The following GRB10 variants were observed in gnomAD, a reference collection of about 807,000 sequenced individuals.
GRB10 encodes growth factor receptor-bound protein 10.
Under a neutral mutation model 80.9 loss-of-function variants are expected in GRB10, and 20 were observed. The ratio of observed to expected loss-of-function variants is 0.25; its 90% CI spans 0.17 to 0.36. The LOEUF is 0.36. Among genes scored for constraint, GRB10 ranks in the 10% least tolerant of loss-of-function variants. GRB10 has a pLI of 1.00. For missense variants in GRB10, 548 were observed against 747.7 expected (o/e 0.73, Z 3.12); for synonymous variants, 291 against 291.5 (o/e 1.00, Z 0.02).
At chr7:50,593,128 T>A in intron 18 of GRB10, 30 bp from the exon 19 acceptor site, 1 of 1,613,850 alleles carries the variant, frequency 6.2e-7, no homozygotes, top group Non-Finnish European at 8.5e-7. Context: ...CTTGCCAGGT[T>A]AGAGGCTGCC....
intron 7 of GRB10, among the ~76,000 whole-genome samples, chr7:50,658,529 T>C (rs1006644718): frequency 1.3e-5 from 2 of 152,118 alleles, no homozygotes; most frequent in Non-Finnish European, 2.9e-5. Flanking sequence ...GAGCCTCACG[T>C]AGATGGCCAC....
chr7:50,775,949 T>C (rs2077588514), intron 2 of GRB10, among the ~76,000 whole-genome samples: 1 of 152,214 alleles, frequency 6.6e-6, no homozygotes, highest in Non-Finnish European at 1.5e-5. Flanking sequence ...GCTGAGGTCC[T>C]GCAGACGCCC....
At chr7:50,773,757 A>G (rs2077276015) in intron 2 of GRB10, among the ~76,000 whole-genome samples, 1 of 152,350 alleles carries the variant, frequency 6.6e-6, no homozygotes, top group East Asian at 1.9e-4. Context: ...TGTTTACAGA[A>G]GCATTATTCA....
At chr7:50,693,404 C>A (rs986919751) in intron 5 of GRB10, among the ~76,000 whole-genome samples, 1 of 152,162 alleles carries the variant, frequency 6.6e-6, no homozygotes. Flanking sequence ...GCACCAAATA[C>A]ATTGCTACAA....
chr7:50,697,504 C>T (rs1338743374), intron 5 of GRB10, among the ~76,000 whole-genome samples: 2 of 152,120 alleles, frequency 1.3e-5, no homozygotes, highest in African/African-American at 2.4e-5. Flanking sequence ...AGCAATAAAT[C>T]CTCTTTGCCA....
chr7:50,713,587 A>C (rs1587332898), intron 4 of GRB10, among the ~76,000 whole-genome samples: 4 of 123,540 alleles, frequency 3.2e-5, no homozygotes, highest in African/African-American at 9.6e-5. Context: ...CCTCACCTCC[A>C]CCTCCTCTAC....
intron 2 of GRB10, among the ~76,000 whole-genome samples, chr7:50,775,161 CAAAAAAAAAAAACA>C (rs1296918352): frequency 6.4e-5 from 2 of 31,026 alleles, no homozygotes; most frequent in African/African-American, 1.1e-4. Context: ...ATCCTGTCTC[CAAAAAAAAAAAACA>C]AAAAAAAACA....
intron 1 of GRB10, chr7:50,793,164 C>T (rs1001598178): frequency 3.4e-5 from 5 of 145,634 alleles, no homozygotes; most frequent in African/African-American, 7.4e-5. Flanking sequence ...CCGTCCCGGG[C>T]CCCGCGGGGA....
intron 5 of GRB10, among the ~76,000 whole-genome samples, chr7:50,675,772 A>G (rs1412511437): frequency 6.6e-6 from 1 of 150,776 alleles, no homozygotes; most frequent in East Asian, 2.0e-4. Flanking sequence ...GTTTCTCCAG[A>G]GAAACAGAGA....
intron 5 of GRB10, among the ~76,000 whole-genome samples, chr7:50,699,762 T>C (rs1379232731): frequency 2.6e-5 from 4 of 152,224 alleles, no homozygotes; most frequent in African/African-American, 9.6e-5. Flanking sequence ...AAACATGGTA[T>C]GAATTGGAGA....
At chr7:50,699,708 A>G (rs997987430) in intron 5 of GRB10, among the ~76,000 whole-genome samples, 1 of 152,172 alleles carries the variant, frequency 6.6e-6, no homozygotes. Context: ...AACATGTAAA[A>G]CGGTATTATA....
At chr7:50,661,646 G>C (rs1322725497) in intron 7 of GRB10, among the ~76,000 whole-genome samples, 1 of 152,244 alleles carries the variant, frequency 6.6e-6, no homozygotes, top group Non-Finnish European at 1.5e-5. Flanking sequence ...TACTGTAGGA[G>C]TCAGTTCTCT....
chr7:50,704,278 G>A (rs573348697), intron 4 of GRB10, among the ~76,000 whole-genome samples: 4 of 152,308 alleles, frequency 2.6e-5, no homozygotes, highest in African/African-American at 9.6e-5. Context: ...ATCAAGTGCT[G>A]GGCGTTCTAT....
chr7:50,762,315 G>A (rs1405203634), intron 2 of GRB10, among the ~76,000 whole-genome samples: 1 of 150,424 alleles, frequency 6.6e-6, no homozygotes, highest in Non-Finnish European at 1.5e-5. Flanking sequence ...GAATACATAC[G>A]AGATCCTTTG....
chr7:50,753,631 C>A (rs2074530705), intron 3 of GRB10, among the ~76,000 whole-genome samples: 2 of 152,208 alleles, frequency 1.3e-5, no homozygotes, highest in Non-Finnish European at 2.9e-5. Flanking sequence ...GCGTCTCCCT[C>A]CTGGAGGACA....
Position 50,645,950 on chromosome 7 carries a change from C to T in GRB10, c.505-18972G>A, listed in dbSNP as rs148457586. On this transcript the variant is annotated intron_variant, in intron 7 of 18. Coordinates refer to ENST00000401949, the MANE Select transcript of GRB10 (RefSeq NM_001350814.2). ...CCATCGTATTATAAGTGACATACAGCCCTTGGCATTATTTATAAAAATGAA... is the reference window on the plus strand; with the variant it reads ...CCATCGTATTATAAGTGACATACAGTCCTTGGCATTATTTATAAAAATGAA... Among the ~76,000 whole-genome samples, 1,342 of 152,252 alleles carry T rather than the reference C, an allele frequency of 8.8e-3. 24 individuals are homozygous for T. Among genetic ancestry groups the T allele is most frequent in the African/African-American group, 0.03 (1,259 of 41,534 alleles).
intron 7 of GRB10, among the ~76,000 whole-genome samples, chr7:50,634,798 A>G (rs1399576285): frequency 6.6e-6 from 1 of 152,256 alleles, no homozygotes; most frequent in Non-Finnish European, 1.5e-5. Context: ...AGAGACAATG[A>G]AGGGCATTAT....
chr7:50,611,199 A>G (rs546281082), intron 13 of GRB10, among the ~76,000 whole-genome samples: 1 of 152,238 alleles, frequency 6.6e-6, no homozygotes, highest in Admixed American at 6.5e-5. Flanking sequence ...CAAATATTCC[A>G]ATTTTTCCTG....
chr7:50,716,178 C>A (rs1393344805), intron 4 of GRB10, among the ~76,000 whole-genome samples: 1 of 152,216 alleles, frequency 6.6e-6, no homozygotes, highest in Non-Finnish European at 1.5e-5. Flanking sequence ...CGTGTTCCCA[C>A]CAACCCAAAT....
Sources: gnomAD v4.1 joint callset for allele counts (sites outside exome capture counted in the v4.1 genomes callset) on GRCh38, gnomAD v4.1.1 for gene constraint, MANE v1.5 for transcripts, NCBI Gene and HGNC (gene_info 2026-07-23, HGNC 2026-07-21) for gene names.